ADAM23: variants seen among roughly 807,000 people sequenced by gnomAD.
The protein encoded by ADAM23 is ADAM metallopeptidase domain 23, also known as disintegrin and metalloproteinase domain-containing protein 23.
In ADAM23, 33 loss-of-function variants were observed where a neutral mutation model predicts 120.1. That is an observed-to-expected ratio of 0.27 (90% CI 0.21 to 0.37). The LOEUF is 0.37. ADAM23 is among the 10% of genes least tolerant of loss of function. ADAM23 has a pLI of 1.00. For synonymous variants in ADAM23, 367 were observed against 375.2 expected (o/e 0.98, Z 0.25); for missense variants, 862 against 1,058.2 (o/e 0.81, Z 2.57).
intron 2 of ADAM23, among the ~76,000 whole-genome samples, chr2:206,473,029 G>A (rs773182421): frequency 6.6e-6 from 1 of 151,958 alleles, no homozygotes; most frequent in African/African-American, 2.4e-5. Context: ...TAACATTTTC[G>A]GGCATGTATG....
At chr2:206,580,377 T>G (rs529501804) in intron 18 of ADAM23, among the ~76,000 whole-genome samples, 1 of 152,218 alleles carries the variant, frequency 6.6e-6, no homozygotes, top group Non-Finnish European at 1.5e-5. Context: ...TTTTATTACA[T>G]TGAGGTATGT....
At chr2:206,592,024 A>G (rs910590669) in intron 21 of ADAM23, among the ~76,000 whole-genome samples, 2 of 152,186 alleles carry the variant, frequency 1.3e-5, no homozygotes, top group Non-Finnish European at 2.9e-5. Flanking sequence ...GACTGGAGGT[A>G]GAGGTCCTCA....
intron 3 of ADAM23, among the ~76,000 whole-genome samples, chr2:206,527,617 A>G (rs1183236519): frequency 2.6e-5 from 4 of 152,210 alleles, no homozygotes; most frequent in Non-Finnish European, 4.4e-5. Context: ...TGAAAGTTGC[A>G]TTTTTCACCC....
chr2:206,529,343 C>T (rs1398405383), intron 3 of ADAM23, among the ~76,000 whole-genome samples: 4 of 152,126 alleles, frequency 2.6e-5, no homozygotes, highest in Non-Finnish European at 5.9e-5. Flanking sequence ...AGGTTTTAAA[C>T]ACTATTTGAC....
At chr2:206,446,535 A>G (rs1371964919) in intron 2 of ADAM23, among the ~76,000 whole-genome samples, 1 of 152,142 alleles carries the variant, frequency 6.6e-6, no homozygotes, top group Non-Finnish European at 1.5e-5. Flanking sequence ...TGGTAACAGT[A>G]TTTATCCCCA....
intron 10 of ADAM23, 80 bp from the exon 11 acceptor site, chr2:206,559,875 T>A: frequency 1.5e-6 from 2 of 1,305,916 alleles, no homozygotes; most frequent in Non-Finnish European, 1.0e-6. Flanking sequence ...CTTCCTGTCC[T>A]TCCACTGACT....
At chr2:206,499,511 G>GAGGT (rs1019300334) in intron 3 of ADAM23, among the ~76,000 whole-genome samples, 2 of 149,130 alleles carry the variant, frequency 1.3e-5, no homozygotes, top group Admixed American at 1.3e-4. Flanking sequence ...GGGGAGGGGG[G>GAGGT]ATAGCATTAG....
At chr2:206,597,546 T>G (rs999225720) in intron 24 of ADAM23, among the ~76,000 whole-genome samples, 1 of 152,110 alleles carries the variant, frequency 6.6e-6, no homozygotes. Flanking sequence ...TCTCAACCCC[T>G]CATACAATTT....
chr2:206,460,281 T>C (rs1265112465), intron 2 of ADAM23, among the ~76,000 whole-genome samples: 1 of 152,226 alleles, frequency 6.6e-6, no homozygotes, highest in Non-Finnish European at 1.5e-5. Flanking sequence ...CTATTTTTAA[T>C]TTTTGGAGGA....
chr2:206,530,997 T>C, intron 4 of ADAM23, 49 bp downstream of exon 4: 1 of 1,537,156 alleles, frequency 6.5e-7, no homozygotes, highest in East Asian at 2.3e-5. Context: ...GTGCTTATCA[T>C]AGAGTTGATC....
chr2:206,470,731 G>A lies in ADAM23; in HGVS notation c.433-10501G>A, dbSNP rs564905126. 7.2e-5 allele frequency among the ~76,000 whole-genome samples: 11 copies of A among 152,222 alleles called. No individual in the cohort carries two copies. In the East Asian group the frequency reaches 1.9e-3, roughly 27 times the overall value. ...TGAAAGTTACTCTTTTCATCCAAAG[G>A]GGTAGAATACAACCCATCCATAGTC... On this transcript the variant is annotated intron_variant, in intron 2 of 25. Transcript: ENST00000264377.
intron 3 of ADAM23, among the ~76,000 whole-genome samples, chr2:206,524,977 T>C (rs1177731809): frequency 6.6e-6 from 1 of 152,214 alleles, no homozygotes; most frequent in African/African-American, 2.4e-5. Flanking sequence ...ACCTTCCATG[T>C]AGAACTCGAT....
chr2:206,449,033 C>T (rs940341781), intron 2 of ADAM23, among the ~76,000 whole-genome samples: 5 of 152,126 alleles, frequency 3.3e-5, no homozygotes, highest in African/African-American at 1.2e-4. Flanking sequence ...GGGACTAGGC[C>T]TTCAACCAGT....
intron 24 of ADAM23, chr2:206,605,999 T>C: frequency 5.3e-6 from 3 of 569,632 alleles, no homozygotes; most frequent in Non-Finnish European, 9.3e-6. Flanking sequence ...GTGCACCTTG[T>C]GGTGTGACTT....
Position 206,549,687 on chromosome 2 carries a change from A to G in ADAM23, c.868-408A>G, listed in dbSNP as rs77312326. 9.7e-3 allele frequency among the ~76,000 whole-genome samples: 1,469 copies of G among 152,140 alleles called. 18 individuals are homozygous for G. Among genetic ancestry groups the G allele is most frequent in the African/African-American group, 0.034 (1,399 of 41,548 alleles). ...ATTATAACTTATGCTATTCTTATTA[A>G]ATGAGTTTTACATAGATTTTCATTG... On this transcript the variant is annotated intron_variant, in intron 8 of 25. Coordinates refer to ENST00000264377, the MANE Select transcript of ADAM23 (RefSeq NM_003812.4).
At position 206,596,090 on chromosome 2, in the gene ADAM23, T is replaced by G; in HGVS notation, c.2287T>G (p.Trp763Gly). ...AGCCACCTGCATTTGTGATTTCACCTGGGCAGGGACAGATTGCAGTATCCG... is the reference window on the plus strand; with the variant it reads ...AGCCACCTGCATTTGTGATTTCACCGGGGCAGGGACAGATTGCAGTATCCG... The part of the protein sequence containing the change: ...NEATCICDFT[W>G]AGTDCSIRDP... Residue 763 changes from tryptophan to glycine, a missense_variant, in exon 24 of 26, where the codon TGG (tryptophan) becomes GGG (glycine). By Grantham distance (184) the Trp-to-Gly change is radical. Coordinates refer to ENST00000264377, the MANE Select transcript of ADAM23 (RefSeq NM_003812.4). 6.2e-7 allele frequency: 1 copy of G among 1,614,048 alleles called. No individual in the cohort carries two copies. The highest frequency in any genetic ancestry group is 8.5e-7 in the Non-Finnish European group (1 of 1,179,938).
rs200990949 is a variant in ADAM23, at chr2:206,445,293, C to A, written c.215-14C>A. ...TTTGTATTTTCTGCTCCCCCACCCC[C>A]CTACCTCCACCAGCTCCGCATTGGA... On this transcript the variant is annotated splice_polypyrimidine_tract_variant and intron_variant, in intron 1 of 25. Coordinates refer to ENST00000264377, the MANE Select transcript of ADAM23 (RefSeq NM_003812.4). 2 of 1,609,646 alleles carry A rather than the reference C, an allele frequency of 1.2e-6. No homozygotes were observed. Among genetic ancestry groups the A allele is most frequent in the Non-Finnish European group, 8.5e-7 (1 of 1,176,250 alleles).
At chr2:206,480,310 G>T (rs1167533313) in intron 2 of ADAM23, among the ~76,000 whole-genome samples, 1 of 151,920 alleles carries the variant, frequency 6.6e-6, no homozygotes, top group African/African-American at 2.4e-5. Flanking sequence ...GGAGGGAGAT[G>T]CCTGGTGTGT....
At chr2:206,548,175 A>T in intron 7 of ADAM23, 106 bp from the exon 8 acceptor site, 2 of 967,802 alleles carry the variant, frequency 2.1e-6, no homozygotes, top group African/African-American at 1.6e-5. Flanking sequence ...TTTTCACCTT[A>T]GTTTGACATA....
Sources: allele counts gnomAD v4.1 joint callset (sites outside exome capture counted in the v4.1 genomes callset), GRCh38; gene constraint gnomAD v4.1.1; transcripts MANE v1.5; gene names NCBI Gene and HGNC (gene_info 2026-07-23, HGNC 2026-07-21).